REV3L: variants seen among roughly 807,000 people sequenced by gnomAD.
REV3L encodes the protein REV3 like, DNA directed polymerase zeta catalytic subunit.
Under a neutral mutation model 299.4 loss-of-function variants are expected in REV3L, and 69 were observed. The ratio of observed to expected loss-of-function variants is 0.23; its 90% CI spans 0.19 to 0.28. REV3L has a LOEUF of 0.28. Among genes scored for constraint, REV3L ranks in the 10% least tolerant of loss-of-function variants. The pLI is 1.00. For synonymous variants in REV3L, 1,238 were observed against 1,271.4 expected (o/e 0.97, Z 0.56); for missense variants, 3,128 against 3,693.8 (o/e 0.85, Z 3.97).
chr6:111,359,222 G>GA (rs1778395106), intron 16 of REV3L, among the ~76,000 whole-genome samples: 1 of 152,026 alleles, frequency 6.6e-6, no homozygotes, highest in Non-Finnish European at 1.5e-5. Flanking sequence ...TGTTATTTCA[G>GA]AAAATCTGCT....
rs754632285 is a variant in REV3L at position 111,373,765 on chromosome 6, T to C, written c.4590A>G (p.Leu1530=). 3 of 1,613,996 alleles carry C rather than the reference T, an allele frequency of 1.9e-6. No homozygotes were observed. Among genetic ancestry groups the C allele is most frequent in the South Asian group, 2.2e-5 (2 of 91,076 alleles). ...FGEGQSGLAV[L]KELLQKRQQK... The stretch of plus-strand genomic sequence containing the variant: ...GCTGTCTTTTTTGTAACAATTCTTT[T>C]AGAACTGCCAGTCCAGACTGTCCTT... Residue 1530 remains leucine (L), a synonymous_variant, in exon 13 of 32, where the codon CTA becomes CTG. Transcript: ENST00000368802.
At chr6:111,348,177 C>G (rs1450631897) in intron 20 of REV3L, among the ~76,000 whole-genome samples, 1 of 152,068 alleles carries the variant, frequency 6.6e-6, no homozygotes, top group African/African-American at 2.4e-5. Context: ...GATTGAACTC[C>G]TGGCCTCAAG....
chr6:111,462,903 C>A (rs1233670791), intron 1 of REV3L, among the ~76,000 whole-genome samples: 1 of 152,116 alleles, frequency 6.6e-6, no homozygotes, highest in African/African-American at 2.4e-5. Context: ...ACTCACATAA[C>A]CCAAACAGGC....
chr6:111,423,254 A>AAAGG (rs58334608), intron 1 of REV3L, among the ~76,000 whole-genome samples: 60,259 of 151,730 alleles, frequency 0.4, 14,436 homozygotes, highest in Non-Finnish European at 0.54. Flanking sequence ...AGAAGCACAA[A>AAAGG]ATCCTATGGC....
At chr6:111,458,140 T>C (rs928738064) in intron 1 of REV3L, among the ~76,000 whole-genome samples, 12 of 152,184 alleles carry the variant, frequency 7.9e-5, no homozygotes, top group East Asian at 3.9e-4. Flanking sequence ...GTTCAACATA[T>C]GCAAATCAAT....
chr6:111,451,970 C>T (rs1398895764), intron 1 of REV3L, among the ~76,000 whole-genome samples: 1 of 151,858 alleles, frequency 6.6e-6, no homozygotes, highest in Non-Finnish European at 1.5e-5. Flanking sequence ...AAACATGTAT[C>T]TGATAAAGGA....
intron 21 of REV3L, 26 bp downstream of exon 21, chr6:111,343,899 C>A: frequency 7.3e-7 from 1 of 1,364,952 alleles, no homozygotes; most frequent in Non-Finnish European, 1.0e-6. Flanking sequence ...TTTTATATTA[C>A]CTTCTTCAGA....
intron 1 of REV3L, among the ~76,000 whole-genome samples, chr6:111,461,412 T>C (rs948316770): frequency 2.4e-4 from 37 of 152,062 alleles, no homozygotes; most frequent in African/African-American, 7.2e-5. Context: ...AGCTAAGTTA[T>C]TGTAAGAGAG....
intron 1 of REV3L, among the ~76,000 whole-genome samples, chr6:111,422,631 C>CACATATATATATATAT (rs1785601927): frequency 1.6e-4 from 2 of 12,732 alleles, no homozygotes; most frequent in Non-Finnish European, 3.6e-4. Flanking sequence ...TATATATATA[C>CACATATATATATATAT]ACATATATAT....
intron 25 of REV3L, among the ~76,000 whole-genome samples, chr6:111,324,965 CA>C (rs1434244860): frequency 6.6e-6 from 1 of 151,516 alleles, no homozygotes. Flanking sequence ...GGGTTCACGC[CA>C]TTCTCCTGCC....
chr6:111,432,515 ATATC>A (rs1219515355), intron 1 of REV3L, among the ~76,000 whole-genome samples: 3 of 152,238 alleles, frequency 2.0e-5, no homozygotes, highest in African/African-American at 4.8e-5. Flanking sequence ...ACAATTATAA[ATATC>A]TATGCATGCA....
intron 1 of REV3L, chr6:111,430,996 C>T: frequency 6.4e-7 from 1 of 1,569,614 alleles, no homozygotes; most frequent in Admixed American, 1.8e-5. Flanking sequence ...TCAAAGAGGA[C>T]AAAAGAACAA....
chr6:111,430,575 C>T, intron 1 of REV3L: 1 of 1,564,096 alleles, frequency 6.4e-7, no homozygotes, highest in Non-Finnish European at 8.8e-7. Flanking sequence ...GGCTGACTTG[C>T]AGAAAACTCA....
At chr6:111,430,176 G>C (rs1786719577) in intron 1 of REV3L, 4 of 794,866 alleles carry the variant, frequency 5.0e-6, no homozygotes, top group Non-Finnish European at 9.2e-6. Flanking sequence ...CTTGCCCGGT[G>C]AGAAGCCTCT....
intron 4 of REV3L, among the ~76,000 whole-genome samples, chr6:111,393,475 A>G (rs1041980949): frequency 1.3e-5 from 2 of 152,212 alleles, no homozygotes; most frequent in Non-Finnish European, 2.9e-5. Context: ...CCATCAGCCC[A>G]AACATTATTC....
Position 111,376,231 on chromosome 6 carries a change from G to A in REV3L, c.2124C>T (p.Asn708=). ...NENTLGKNSF[N]FSDLNHSKNK... Reference sequence around the variant, plus strand: ...TTTTTGAATGATTTAAGTCAGAAAAGTTGAAAGAATTTTTGCCCAATGTAT... The same window carrying A: ...TTTTTGAATGATTTAAGTCAGAAAAATTGAAAGAATTTTTGCCCAATGTAT... Residue 708 remains asparagine (N), a synonymous_variant, in exon 13 of 32, where the codon AAC becomes AAT. Coordinates refer to ENST00000368802, the MANE Select transcript of REV3L (RefSeq NM_001372078.1). The A allele has an allele frequency of 1.2e-6, 2 of 1,613,592 alleles. No individual in the cohort carries two copies. The highest frequency in any genetic ancestry group is 1.7e-6 in the Non-Finnish European group (2 of 1,179,878).
chr6:111,429,216 G>A (rs1786555321), intron 1 of REV3L, among the ~76,000 whole-genome samples: 1 of 152,282 alleles, frequency 6.6e-6, no homozygotes, highest in Non-Finnish European at 1.5e-5. Context: ...ATCATGCTAT[G>A]TTGACCATGC....
intron 18 of REV3L, among the ~76,000 whole-genome samples, chr6:111,356,379 A>G (rs2114971662): frequency 6.6e-6 from 1 of 152,306 alleles, no homozygotes. Flanking sequence ...TTTTTAAATT[A>G]AAATATTTTT....
chr6:111,376,392 A>C lies in REV3L; in HGVS notation c.1963T>G (p.Cys655Gly), dbSNP rs1780310194. ...SKKEILPVSSCESSIFDYEED... is the reference protein window; with the variant it reads ...SKKEILPVSSGESSIFDYEED... ...TCATAATCAAAAATACTACTTTCAC[A>C]GGAAGATACTGGGAGGATCTCTTTC... The change falls in exon 13 of 32, where the codon TGT becomes GGT. Residue 655 changes from cysteine to glycine, a missense_variant. This residue lies in a region of REV3L where 2,409 missense variants were observed against 2,611.8 expected (regional missense o/e 0.92). Transcript: ENST00000368802. The C allele has an allele frequency of 2.5e-6, 4 of 1,613,394 alleles. No individual in the cohort carries two copies. In the South Asian group the frequency reaches 4.4e-5, roughly 18 times the overall value.
Sources: allele counts gnomAD v4.1 joint callset (sites outside exome capture counted in the v4.1 genomes callset), GRCh38; gene constraint gnomAD v4.1.1; regional missense constraint gnomAD v4.1.1; transcripts MANE v1.5; gene names NCBI Gene and HGNC (gene_info 2026-07-23, HGNC 2026-07-21).